SMARCA4: variants seen among roughly 807,000 people sequenced by gnomAD.
SMARCA4 encodes the protein SWI/SNF related BAF chromatin remodeling complex subunit ATPase 4.
SMARCA4 carries 31 observed loss-of-function variants against 193.9 expected under a neutral mutation model. That is an observed-to-expected ratio of 0.16 (90% CI 0.12 to 0.22). The LOEUF is 0.22. Ranked by LOEUF, SMARCA4 falls within the 10% of genes least tolerant of loss-of-function variation. The pLI is 1.00. For synonymous variants in SMARCA4, 942 were observed against 933.1 expected, an observed-to-expected ratio of 1.01 and a Z score of -0.17; for missense variants, 1,148 against 2,296.0, an observed-to-expected ratio of 0.50 and a Z score of 10.22.
chr19:11,052,440 G>A (rs955702672), intron 30 of SMARCA4, among the ~76,000 whole-genome samples: 1 of 152,056 alleles, frequency 6.6e-6, no homozygotes, highest in Non-Finnish European at 1.5e-5. Context: ...GGCATGTGGG[G>A]CTCCAGGGGG....
In SMARCA4 at chr19:11,039,470, A is replaced by C; in HGVS notation, c.4171-1837A>C. ...AATTTTGTTGTAGAAAATTACAGGA[A>C]AAGATATCCATGACACAGCCAGCAG... is the stretch of plus-strand genomic sequence containing the variant. On this transcript the variant is annotated intron_variant, in intron 29 of 34. Transcript: ENST00000344626. 6.3e-7 allele frequency: 1 copy of C among 1,597,736 alleles called. No homozygotes were observed. The highest frequency in any genetic ancestry group is 8.5e-7 in the Non-Finnish European group (1 of 1,173,024).
chr19:11,005,499 G>A (rs2088111161), intron 13 of SMARCA4, among the ~76,000 whole-genome samples: 1 of 152,080 alleles, frequency 6.6e-6, no homozygotes. Flanking sequence ...TCCACATTTG[G>A]GCCATTGTCG....
chr19:10,969,239 A>AG (rs1250835309), intron 1 of SMARCA4, among the ~76,000 whole-genome samples: 1 of 152,094 alleles, frequency 6.6e-6, no homozygotes, highest in Non-Finnish European at 1.5e-5. Flanking sequence ...GCCTCGAGGA[A>AG]GGGGGGCCTT....
At chr19:11,024,612 A>C (rs551462735) in intron 21 of SMARCA4, among the ~76,000 whole-genome samples, 174 bp downstream of exon 21, 1 of 152,274 alleles carries the variant, frequency 6.6e-6, no homozygotes, top group South Asian at 2.1e-4. Context: ...ACACTGACTC[A>C]GCTGCCAGTG....
At chr19:11,011,606 A>G (rs1007764620) in intron 15 of SMARCA4, 1 of 152,238 alleles carries the variant, frequency 6.6e-6, no homozygotes, top group Non-Finnish European at 1.5e-5. Context: ...AGTCCCAGCT[A>G]CTTAAGAGGC....
intron 34 of SMARCA4, among the ~76,000 whole-genome samples, chr19:11,061,230 T>A (rs1365214147): frequency 2.3e-5 from 3 of 131,800 alleles, no homozygotes; most frequent in African/African-American, 9.3e-5. Flanking sequence ...TATATATATA[T>A]ATATATATAT....
In SMARCA4 at chr19:10,986,451, C is replaced by A. The variant is rs781758884; in HGVS notation, c.618C>A (p.Gly206=). 6.4e-7 allele frequency: 1 copy of A among 1,562,270 alleles called. No homozygotes were observed. The highest frequency in any genetic ancestry group is 8.7e-7 in the Non-Finnish European group (1 of 1,154,184). The change falls in exon 4 of 35, where the codon GGC becomes GGA. Residue 206 remains glycine, a synonymous_variant. Coordinates refer to ENST00000344626, the MANE Select transcript of SMARCA4 (RefSeq NM_003072.5). This position sits in a 1 kb window ranked among gnomAD's most constrained non-coding sequence, Gnocchi z 6.7. Reference sequence around the variant, plus strand: ...ACCACCTGCAGATGGCGGTGCAGGGCAAGCGGCCGATGCCCGGGATGCAGC... The same window carrying A: ...ACCACCTGCAGATGGCGGTGCAGGGAAAGCGGCCGATGCCCGGGATGCAGC... The part of the protein sequence containing the change: ...LPDHLQMAVQ[G]KRPMPGMQQQ...
chr19:10,967,845 C>T (rs1481635232), intron 1 of SMARCA4, among the ~76,000 whole-genome samples: 6 of 151,560 alleles, frequency 4.0e-5, no homozygotes, highest in South Asian at 2.1e-4. Flanking sequence ...CCACCATGCC[C>T]GGCTAATTTT....
chr19:10,986,665 A>G lies in SMARCA4; in HGVS notation c.760+72A>G, dbSNP rs2145789534. 1.3e-6 allele frequency: 2 copies of G among 1,532,054 alleles called. No individual in the cohort carries two copies. The highest frequency in any genetic ancestry group is 1.7e-6 in the Non-Finnish European group (2 of 1,145,384). 94.9% of individuals were successfully genotyped at this position (1,532,054 alleles called of 1,614,324 possible). A position where few individuals can be genotyped will look rare whatever the true frequency, so the allele number is the denominator to read the frequency against. ...GGGGCGTGGGTGGCGGGGTGGACAG[A>G]CCGTGCTCTGTTGCCGACTGGGTTC... On this transcript the variant is annotated intron_variant, in intron 4 of 34. Transcript: ENST00000344626. The surrounding 1 kb of genome is among the most constrained non-coding windows in gnomAD (Gnocchi z 6.7).
chr19:11,059,237 T>C, intron 32 of SMARCA4: 1 of 311,940 alleles, frequency 3.2e-6, no homozygotes, highest in Non-Finnish European at 6.1e-6. Flanking sequence ...GTCCTCTGTC[T>C]GTTGGAATTT....
intron 1 of SMARCA4, among the ~76,000 whole-genome samples, chr19:10,981,632 C>T (rs975225778): frequency 5.3e-5 from 8 of 152,202 alleles, no homozygotes; most frequent in Non-Finnish European, 1.2e-4. Flanking sequence ...CTGCTGTTAG[C>T]CATGAAAGTG....
chr19:11,043,197 A>G (rs544059446), intron 30 of SMARCA4, among the ~76,000 whole-genome samples: 99 of 152,030 alleles, frequency 6.5e-4, no homozygotes, highest in African/African-American at 2.3e-3. Context: ...AGGCTGAGGT[A>G]GGAGAATCTT....
At chr19:11,046,232 AAAAAAACCCC>A (rs1419215977) in intron 30 of SMARCA4, among the ~76,000 whole-genome samples, 7 of 152,176 alleles carry the variant, frequency 4.6e-5, no homozygotes. Flanking sequence ...CAAAAAAAAA[AAAAAAACCCC>A]AAATCTTAAC....
At position 11,013,070 on chromosome 19, in the gene SMARCA4, A is replaced by G. The variant is rs747912219; in HGVS notation, c.2396A>G (p.His799Arg). 4 of 1,614,198 alleles carry G rather than the reference A, an allele frequency of 2.5e-6. No individual in the cohort carries two copies. In the Admixed American group the frequency reaches 6.7e-5, roughly 27 times the overall value. Residue 799 changes from histidine to arginine, a missense_variant, in exon 16 of 35, where the codon CAC (histidine) becomes CGC (arginine). By Grantham distance (29) the His-to-Arg change is conservative. Coordinates refer to ENST00000344626, the MANE Select transcript of SMARCA4 (RefSeq NM_003072.5). ...GCGCTCATCACGTACCTCATGGAGC[A>G]CAAACGCATCAATGGGCCCTTCCTC... ...TIALITYLME[H>R]KRINGPFLII...
intron 1 of SMARCA4, among the ~76,000 whole-genome samples, chr19:10,964,720 C>T (rs910281814): frequency 2.0e-5 from 3 of 151,846 alleles, no homozygotes; most frequent in African/African-American, 4.8e-5. Flanking sequence ...TGGTCTCAAG[C>T]GATTCTCATG....
intron 11 of SMARCA4, 112 bp from the exon 12 acceptor site, chr19:11,002,917 G>A: frequency 8.4e-7 from 1 of 1,191,616 alleles, no homozygotes; most frequent in South Asian, 1.2e-5. Flanking sequence ...GGCCATGTTT[G>A]CCTGCCATTT....
At chr19:10,992,113 CTTT>C (rs545950698) in intron 8 of SMARCA4, among the ~76,000 whole-genome samples, 2 of 142,098 alleles carry the variant, frequency 1.4e-5, no homozygotes, top group African/African-American at 2.6e-5. Flanking sequence ...TCTCTGTTAA[CTTT>C]TTTTTTTTTT....
At chr19:11,029,299 C>T (rs2090478721) in intron 24 of SMARCA4, among the ~76,000 whole-genome samples, 1 of 152,234 alleles carries the variant, frequency 6.6e-6, no homozygotes, top group African/African-American at 2.4e-5. Context: ...GTCCCTGACT[C>T]CCCCAGGAGA....
chr19:10,997,657 G>A (rs996789861), intron 11 of SMARCA4, among the ~76,000 whole-genome samples: 16 of 151,756 alleles, frequency 1.1e-4, no homozygotes, highest in African/African-American at 3.9e-4. Flanking sequence ...CTATAGAGAC[G>A]GGGGTTCCAT....
Sources: allele counts gnomAD v4.1 joint callset (sites outside exome capture counted in the v4.1 genomes callset), GRCh38; gene constraint gnomAD v4.1.1; non-coding constraint Gnocchi (gnomAD v3.1); transcripts MANE v1.5; gene names NCBI Gene and HGNC (gene_info 2026-07-23, HGNC 2026-07-21).